Variants in CACNA1C observed in about 807,000 individuals in gnomAD.
The protein encoded by CACNA1C is calcium voltage-gated channel subunit alpha1 C.
A neutral mutation model predicts 229.0 loss-of-function variants in CACNA1C; 30 were observed. The observed-to-expected ratio is 0.13, with a 90% confidence interval of 0.10 to 0.18. The LOEUF (loss-of-function observed/expected upper bound fraction) is 0.18, where lower values mean the gene tolerates loss of function less well. Among genes scored for constraint, CACNA1C ranks in the 10% least tolerant of loss-of-function variants. The probability of loss-of-function intolerance (pLI) is 1.00; values close to 1 mark genes in which losing one functional copy is unlikely to be tolerated. For synonymous variants in CACNA1C, 1,114 were observed against 1,132.5 expected (o/e 0.98, Z 0.33); for missense variants, 1,658 against 2,845.0 (o/e 0.58, Z 9.49).
At position 2,102,665 on chromosome 12, in the gene CACNA1C, G is replaced by T. The variant is rs139208689; in HGVS notation, c.50-12559G>T. On this transcript the variant is annotated intron_variant, in intron 1 of 46. Coordinates refer to ENST00000399655, the MANE Select transcript of CACNA1C (RefSeq NM_000719.7). Reference sequence around the variant, plus strand: ...TTTGTTACATAGGTATAGACATGCCGTGGTGGTTTGCTTCGCCCATCAACC... The same window carrying T: ...TTTGTTACATAGGTATAGACATGCCTTGGTGGTTTGCTTCGCCCATCAACC... Among the ~76,000 whole-genome samples, 24 of 152,192 alleles carry T rather than the reference G, an allele frequency of 1.6e-4. No homozygotes were observed. In the East Asian group the frequency reaches 4.4e-3, roughly 28 times the overall value.
chr12:2,593,598 A>G (rs186247121), intron 19 of CACNA1C, among the ~76,000 whole-genome samples: 1 of 152,328 alleles, frequency 6.6e-6, no homozygotes, highest in Admixed American at 6.5e-5. Flanking sequence ...ATAATTTACT[A>G]ATTCTATTTA....
In CACNA1C at chr12:2,636,412, T is replaced by C. The variant is rs571813296; in HGVS notation, c.3912+2032T>C. 2.3e-4 allele frequency among the ~76,000 whole-genome samples: 35 copies of C among 152,322 alleles called. No homozygotes were observed. The South Asian group carries it at 7.3e-3, about 32-fold the overall frequency. ...AAAGCATTTTCTAGGATATAAAATTTATACAGAAAAGGGGGCTCTGTTGGG... is the reference window on the plus strand; with the variant it reads ...AAAGCATTTTCTAGGATATAAAATTCATACAGAAAAGGGGGCTCTGTTGGG... On this transcript the variant is annotated intron_variant, in intron 30 of 46. Transcript: ENST00000399655.
intron 3 of CACNA1C, among the ~76,000 whole-genome samples, chr12:2,178,725 T>G (rs1463634925): frequency 6.6e-6 from 1 of 152,168 alleles, no homozygotes; most frequent in African/African-American, 2.4e-5. Flanking sequence ...GACCCGTGAT[T>G]GTGATTTCTT....
At chr12:2,151,804 G>A (rs999439833) in intron 3 of CACNA1C, among the ~76,000 whole-genome samples, 10 of 152,192 alleles carry the variant, frequency 6.6e-5, no homozygotes, top group Admixed American at 3.3e-4. Context: ...ACATAGGTCA[G>A]TGGACCCTCA....
intron 3 of CACNA1C, among the ~76,000 whole-genome samples, chr12:2,137,305 T>C (rs990646174): frequency 2.6e-5 from 4 of 151,250 alleles, no homozygotes; most frequent in African/African-American, 9.7e-5. Flanking sequence ...TTTAGGTTTC[T>C]CGGCTGTGAA....
intron 1 of CACNA1C, among the ~76,000 whole-genome samples, chr12:1,974,463 T>C (rs1228116763): frequency 1.3e-5 from 2 of 152,208 alleles, no homozygotes; most frequent in East Asian, 1.9e-4. Flanking sequence ...CAGCACTATG[T>C]AGACACTAAT....
intron 3 of CACNA1C, among the ~76,000 whole-genome samples, chr12:2,177,634 C>CTCTCTTTCTTTCTTTCTT (rs1555275141): frequency 8.9e-6 from 1 of 112,982 alleles, no homozygotes; most frequent in African/African-American, 3.7e-5. Flanking sequence ...CCTTCTCTCT[C>CTCTCTTTCTTTCTTTCTT]TCTTTCTTTC....
At chr12:2,599,905 A>G (rs538651351) in intron 21 of CACNA1C, among the ~76,000 whole-genome samples, 1 of 152,274 alleles carries the variant, frequency 6.6e-6, no homozygotes, top group East Asian at 1.9e-4. Context: ...CCCCACATGC[A>G]CACACATGCA....
chr12:2,369,713 A>G (rs2097805293), intron 3 of CACNA1C, among the ~76,000 whole-genome samples: 2 of 152,244 alleles, frequency 1.3e-5, no homozygotes, highest in South Asian at 2.1e-4. Context: ...CTACATACCT[A>G]TCTTATACAT....
intron 3 of CACNA1C, among the ~76,000 whole-genome samples, chr12:2,363,532 T>C (rs2097629723): frequency 6.6e-6 from 1 of 152,202 alleles, no homozygotes; most frequent in South Asian, 2.1e-4. Context: ...TGTTGAATCC[T>C]TCCCCAGTTT....
At chr12:2,440,548 G>A (rs917379877) in intron 3 of CACNA1C, among the ~76,000 whole-genome samples, 1 of 152,158 alleles carries the variant, frequency 6.6e-6, no homozygotes, top group South Asian at 2.1e-4. Flanking sequence ...ATCCCAGGAG[G>A]AGGAGGCCTT....
chr12:2,025,527 C>A (rs2047173002), intron 1 of CACNA1C, among the ~76,000 whole-genome samples: 1 of 152,056 alleles, frequency 6.6e-6, no homozygotes, highest in Non-Finnish European at 1.5e-5. Flanking sequence ...TGGTTCTGGG[C>A]CCATTTTACT....
In CACNA1C at chr12:2,067,516, A is replaced by C. The variant is rs2059820761; in HGVS notation, c.49+13905A>C. Among the ~76,000 whole-genome samples, 1 of 151,412 alleles carries C rather than the reference A, an allele frequency of 6.6e-6. No homozygotes were observed. The highest frequency in any genetic ancestry group is 2.4e-5 in the African/African-American group (1 of 41,198). On this transcript the variant is annotated intron_variant, in intron 1 of 46. Transcript: ENST00000399655. The surrounding 1 kb of genome is among the most constrained non-coding windows in gnomAD (Gnocchi z 5.3). ...TGCGTGCCTGTATGTAAGGGCAGGC[A>C]CATGAAGACAGACTTTATTGGTTTC...
rs7312633 is a variant in CACNA1C at position 2,225,718 on chromosome 12, A to G, written c.477+105288A>G. 5.3e-3 allele frequency among the ~76,000 whole-genome samples: 804 copies of G among 152,346 alleles called. 13 individuals carry two copies. The highest frequency in any genetic ancestry group is 0.018 in the African/African-American group (768 of 41,564). ...AAGACCCTGTTAAGGGGAAAGGTCT[A>G]TGCTTTAGAGAGGATGCTGTAGAGT... is the stretch of plus-strand genomic sequence containing the variant. On this transcript the variant is annotated intron_variant, in intron 3 of 46. Coordinates refer to ENST00000399655, the MANE Select transcript of CACNA1C (RefSeq NM_000719.7).
rs114889012 is a variant in CACNA1C at position 2,418,326 on chromosome 12, G to A, written c.478-30650G>A. 8.4e-3 allele frequency among the ~76,000 whole-genome samples: 1,284 copies of A among 152,300 alleles called. 21 individuals are homozygous for A. Among genetic ancestry groups the A allele is most frequent in the African/African-American group, 0.03 (1,239 of 41,540 alleles). On this transcript the variant is annotated intron_variant, in intron 3 of 46. Coordinates refer to ENST00000399655, the MANE Select transcript of CACNA1C (RefSeq NM_000719.7). ...AAATACAACAGGTGCAAGTTCAGAC[G>A]CTCCAAGGAGAGCAACCACTGCCAT...
At chr12:1,991,178 CG>C (rs1565848086) in intron 1 of CACNA1C, 1 of 456,058 alleles carries the variant, frequency 2.2e-6, no homozygotes, top group South Asian at 1.5e-5. Context: ...GAAAAAGCAA[CG>C]GAAGTGAAAT....
rs1244266487 is a variant in CACNA1C at position 2,504,546 on chromosome 12, T to A, written c.1114-296T>A. Reference sequence around the variant, plus strand: ...TTCTCGGTGTGTTGAGCGGGTAAGCTGACCGTTTCTATGTCCTCTCCACAA... The same window carrying A: ...TTCTCGGTGTGTTGAGCGGGTAAGCAGACCGTTTCTATGTCCTCTCCACAA... On this transcript the variant is annotated intron_variant, in intron 7 of 46. Transcript: ENST00000399655. The surrounding 1 kb of genome is among the most constrained non-coding windows in gnomAD (Gnocchi z 6.8). The A allele has an allele frequency of 2.0e-6, 3 of 1,531,106 alleles. No individual in the cohort carries two copies. The highest frequency in any genetic ancestry group is 2.7e-6 in the Non-Finnish European group (3 of 1,105,558). The allele number at this position is 1,531,106 out of a possible 1,614,324, so 94.8% of individuals were successfully genotyped here.
intron 11 of CACNA1C, among the ~76,000 whole-genome samples, chr12:2,564,873 T>G (rs917132530): frequency 6.6e-6 from 1 of 152,088 alleles, no homozygotes; most frequent in Non-Finnish European, 1.5e-5. Context: ...AGGGGCTGTT[T>G]TTGTGGGGTG....
chr12:2,367,361 G>A (rs962248286), intron 3 of CACNA1C, among the ~76,000 whole-genome samples: 5 of 152,168 alleles, frequency 3.3e-5, no homozygotes, highest in East Asian at 1.9e-4. Flanking sequence ...GTACCGGTCC[G>A]CCATTGTGGG....
Sources: allele counts gnomAD v4.1 joint callset (sites outside exome capture counted in the v4.1 genomes callset), GRCh38; gene constraint gnomAD v4.1.1; non-coding constraint Gnocchi (gnomAD v3.1); transcripts MANE v1.5; gene names NCBI Gene and HGNC (gene_info 2026-07-23, HGNC 2026-07-21).